GRM7: variants seen among roughly 807,000 people sequenced by gnomAD.
GRM7 encodes metabotropic glutamate receptor 7.
In GRM7, 35 loss-of-function variants were observed where a neutral mutation model predicts 84.5. The observed-to-expected ratio is 0.41, with a 90% CI of 0.32 to 0.55. GRM7 has a LOEUF of 0.55. Ranked by LOEUF, GRM7 falls within the 20% of genes least tolerant of loss-of-function variation. The pLI, the probability that GRM7 is intolerant of heterozygous loss-of-function variation, is 0.19. For synonymous variants in GRM7, 487 were observed against 455.1 expected (o/e 1.07, Z -0.89); for missense variants, 1,003 against 1,194.6 (o/e 0.84, Z 2.36).
intron 1 of GRM7, among the ~76,000 whole-genome samples, chr3:7,143,940 T>C (rs6770446): frequency 0.33 from 50,008 of 151,992 alleles, 8,511 homozygotes; most frequent in African/African-American, 0.4. Flanking sequence ...CTTTATTCAG[T>C]TGATATTTTT....
intron 4 of GRM7, among the ~76,000 whole-genome samples, chr3:7,413,756 C>A (rs1189562444): frequency 6.6e-6 from 1 of 152,098 alleles, no homozygotes; most frequent in Non-Finnish European, 1.5e-5. Context: ...GAGGAAATGG[C>A]TTGGTAAGTG....
At chr3:7,235,869 T>C (rs1697331973) in intron 2 of GRM7, among the ~76,000 whole-genome samples, 1 of 152,232 alleles carries the variant, frequency 6.6e-6, no homozygotes, top group Non-Finnish European at 1.5e-5. Context: ...GTACATACAG[T>C]AGATCAATAC....
intron 1 of GRM7, among the ~76,000 whole-genome samples, chr3:7,003,628 C>T (rs1189117775): frequency 3.3e-5 from 5 of 152,164 alleles, no homozygotes; most frequent in Non-Finnish European, 7.3e-5. Flanking sequence ...CTATGTTAAA[C>T]ATGTGCTTTA....
intron 1 of GRM7, among the ~76,000 whole-genome samples, chr3:6,985,175 G>T (rs1694363615): frequency 6.6e-6 from 1 of 152,146 alleles, no homozygotes; most frequent in Non-Finnish European, 1.5e-5. Flanking sequence ...ATATCACAGA[G>T]AATGGGGTAT....
intron 5 of GRM7, among the ~76,000 whole-genome samples, chr3:7,438,726 A>G (rs1043615067): frequency 6.6e-6 from 1 of 152,116 alleles, no homozygotes; most frequent in African/African-American, 2.4e-5. Flanking sequence ...GCTCCCATTG[A>G]CCAAATTAAC....
chr3:7,150,671 C>G (rs1210669215), intron 2 of GRM7, among the ~76,000 whole-genome samples: 1 of 152,132 alleles, frequency 6.6e-6, no homozygotes, highest in Non-Finnish European at 1.5e-5. Flanking sequence ...CATGCAATAG[C>G]AACAAAGGCA....
At chr3:7,579,555 A>G (rs1019871694) in intron 8 of GRM7, among the ~76,000 whole-genome samples, 198 bp downstream of exon 8, 1 of 152,186 alleles carries the variant, frequency 6.6e-6, no homozygotes, top group Non-Finnish European at 1.5e-5. Context: ...TCCACTGGAA[A>G]CCAACCAGAT....
chr3:7,158,982 G>A (rs1424453237), intron 2 of GRM7, among the ~76,000 whole-genome samples: 1 of 152,102 alleles, frequency 6.6e-6, no homozygotes, highest in African/African-American at 2.4e-5. Context: ...TTTTCTTGTT[G>A]TCAGTTCTGT....
At chr3:7,158,061 T>C (rs1330456892) in intron 2 of GRM7, among the ~76,000 whole-genome samples, 1 of 152,194 alleles carries the variant, frequency 6.6e-6, no homozygotes, top group Non-Finnish European at 1.5e-5. Flanking sequence ...ACTAGCTTTA[T>C]AGAGTCTACT....
At chr3:6,932,205 T>C (rs949503182) in intron 1 of GRM7, among the ~76,000 whole-genome samples, 3 of 152,212 alleles carry the variant, frequency 2.0e-5, no homozygotes, top group Non-Finnish European at 4.4e-5. Context: ...TATAGTAGCA[T>C]CCTAAATGCA....
intron 1 of GRM7, among the ~76,000 whole-genome samples, chr3:7,058,686 C>T (rs140206672): frequency 1.1e-4 from 17 of 151,912 alleles, no homozygotes; most frequent in Middle Eastern, 3.4e-3. Context: ...AGGGTACACT[C>T]GCCAGCTGTT....
chr3:7,442,642 A>T (rs1697337171), intron 5 of GRM7, among the ~76,000 whole-genome samples: 1 of 152,142 alleles, frequency 6.6e-6, no homozygotes, highest in African/African-American at 2.4e-5. Flanking sequence ...CCATCCCCAC[A>T]ACATGCCTAG....
chr3:7,031,148 A>G (rs1273865522), intron 1 of GRM7, among the ~76,000 whole-genome samples: 1 of 152,142 alleles, frequency 6.6e-6, no homozygotes, highest in Non-Finnish European at 1.5e-5. Context: ...ATATTTGCCA[A>G]TTATAACTCA....
chr3:7,656,541 G>GCACACACACA lies in GRM7; in HGVS notation c.2452-23507_2452-23506insACACACACAC, dbSNP rs1304438630. 8.6e-5 allele frequency among the ~76,000 whole-genome samples: 5 copies of GCACACACACA among 58,270 alleles called. No individual in the cohort carries two copies. In the East Asian group the frequency reaches 1.3e-3, roughly 15 times the overall value. 38.2% of individuals were successfully genotyped at this position (58,270 alleles called of 152,430 possible). A position where few individuals can be genotyped will look rare whatever the true frequency, so the allele number is the denominator to read the frequency against. On this transcript the variant is annotated intron_variant, in intron 8 of 9. Transcript: ENST00000357716. ...AAAAAAAATATATATATATATATAC[G>GCACACACACA]CGCGCGCACACACACACACACACAC...
intron 2 of GRM7, among the ~76,000 whole-genome samples, chr3:7,237,602 G>T (rs925793541): frequency 2.0e-5 from 3 of 152,104 alleles, no homozygotes; most frequent in Non-Finnish European, 4.4e-5. Context: ...TGGTCTCGCT[G>T]GCTTCAGGAG....
At chr3:7,643,520 T>G (rs1698463929) in intron 8 of GRM7, among the ~76,000 whole-genome samples, 1 of 152,180 alleles carries the variant, frequency 6.6e-6, no homozygotes, top group African/African-American at 2.4e-5. Context: ...TGCTAGTCAT[T>G]TATCCACAAT....
At chr3:7,349,846 A>G (rs1693056154) in intron 4 of GRM7, among the ~76,000 whole-genome samples, 2 of 152,184 alleles carry the variant, frequency 1.3e-5, no homozygotes, top group African/African-American at 2.4e-5. Flanking sequence ...TTTACTATAT[A>G]TGGATTCATA....
At chr3:7,155,830 C>T (rs1304010235) in intron 2 of GRM7, among the ~76,000 whole-genome samples, 3 of 152,160 alleles carry the variant, frequency 2.0e-5, no homozygotes, top group African/African-American at 7.2e-5. Flanking sequence ...GTCCCAAACA[C>T]ACTGCATTGA....
chr3:7,213,518 C>T lies in GRM7; in HGVS notation c.736+66850C>T, dbSNP rs1487936641. Among the ~76,000 whole-genome samples, 5 of 152,092 alleles carry T rather than the reference C, an allele frequency of 3.3e-5. No homozygotes were observed. The South Asian group carries it at 6.2e-4, about 19-fold the overall frequency. On this transcript the variant is annotated intron_variant, in intron 2 of 9. Transcript: ENST00000357716. ...CAAATACATCATAGGCATTCATATA[C>T]GATGTCTGAAGTTAGGTTCTCTGGA...
Sources: gnomAD v4.1 joint callset for allele counts (sites outside exome capture counted in the v4.1 genomes callset) on GRCh38, gnomAD v4.1.1 for gene constraint, MANE v1.5 for transcripts, NCBI Gene and HGNC (gene_info 2026-07-23, HGNC 2026-07-21) for gene names.